KCNJ5: variants seen among roughly 807,000 people sequenced by gnomAD.
KCNJ5 encodes the protein G protein-activated inward rectifier potassium channel 4.
A neutral mutation model predicts 20.2 loss-of-function variants in KCNJ5; 12 were observed. That is an observed-to-expected ratio of 0.59 (90% CI 0.38 to 0.96). The LOEUF is 0.96. KCNJ5 is among the 40% of genes least tolerant of loss of function. The pLI, the probability that KCNJ5 is intolerant of heterozygous loss-of-function variation, is 0.00. For missense variants in KCNJ5, 449 were observed against 557.6 expected, an observed-to-expected ratio of 0.81 and a Z score of 1.96; for synonymous variants, 210 against 213.9, an observed-to-expected ratio of 0.98 and a Z score of 0.16.
chr11:128,911,786 G>C lies in KCNJ5; in HGVS notation c.513G>C (p.Gln171His). 1 of 1,614,210 alleles carries C rather than the reference G, an allele frequency of 6.2e-7. No individual in the cohort carries two copies. The highest frequency in any genetic ancestry group is 1.7e-5 in the Admixed American group (1 of 60,028). The change falls in exon 2 of 3, where the codon CAG becomes CAC. Residue 171 changes from glutamine to histidine, a missense_variant. Around this residue, in one of 5 missense-constraint regions of KCNJ5, gnomAD observed 203 missense variants for 258.0 expected, o/e 0.79. Coordinates refer to ENST00000529694, the MANE Select transcript of KCNJ5 (RefSeq NM_000890.5). The surrounding 1 kb of genome is among the most constrained non-coding windows in gnomAD (Gnocchi z 6.3). ...CPEGIILLLV[Q>H]AILGSIVNAF... The stretch of plus-strand genomic sequence containing the variant: ...AGGGGATTATACTCCTCTTGGTCCA[G>C]GCCATCCTGGGCTCCATCGTCAATG...
chr11:128,902,296 T>A lies in KCNJ5; in HGVS notation c.-10-8968T>A, dbSNP rs977306144. On this transcript the variant is annotated intron_variant, in intron 1 of 2. Transcript: ENST00000529694. Reference sequence around the variant, plus strand: ...CAGGAGGCCACCTGATCCGCCCTCCTGTCCCTCCAGCCCTCCTCTGGAAGG... The same window carrying A: ...CAGGAGGCCACCTGATCCGCCCTCCAGTCCCTCCAGCCCTCCTCTGGAAGG... The A allele has an allele frequency of 4.4e-5, 24 of 547,998 alleles. No homozygotes were observed. In the African/African-American group the frequency reaches 4.6e-4, roughly 10 times the overall value. 33.9% of individuals were successfully genotyped at this position (547,998 alleles called of 1,614,324 possible). A position where few individuals can be genotyped will look rare whatever the true frequency, so the allele number is the denominator to read the frequency against.
intron 1 of KCNJ5, among the ~76,000 whole-genome samples, chr11:128,898,510 G>A (rs534316955): frequency 3.3e-5 from 5 of 152,360 alleles, no homozygotes; most frequent in East Asian, 1.9e-4. Context: ...CATGGCAAGC[G>A]CCAAGATGCA....
At chr11:128,903,587 C>T (rs1198059871) in intron 1 of KCNJ5, 4 of 1,522,450 alleles carry the variant, frequency 2.6e-6, no homozygotes, top group Non-Finnish European at 3.6e-6. Flanking sequence ...CTTGTTTCTA[C>T]TGCGGGGGCC....
chr11:128,902,487 G>C, intron 1 of KCNJ5: 2 of 1,544,534 alleles, frequency 1.3e-6, no homozygotes, highest in Non-Finnish European at 1.8e-6. Context: ...TAAGGAACAG[G>C]GATGTCATAG....
At chr11:128,909,143 C>T (rs1032314388) in intron 1 of KCNJ5, among the ~76,000 whole-genome samples, 1 of 152,206 alleles carries the variant, frequency 6.6e-6, no homozygotes, top group Non-Finnish European at 1.5e-5. Flanking sequence ...TTGCTATAAT[C>T]ACCCAGGCAG....
intron 2 of KCNJ5, among the ~76,000 whole-genome samples, chr11:128,915,863 A>G (rs1366631434): frequency 4.6e-5 from 3 of 64,580 alleles, no homozygotes; most frequent in Non-Finnish European, 8.8e-5. Flanking sequence ...GATTAGGTAG[A>G]TGAGTGGATG....
At chr11:128,891,895 G>T (rs2135979826) in intron 1 of KCNJ5, among the ~76,000 whole-genome samples, 174 bp downstream of exon 1, 1 of 152,344 alleles carries the variant, frequency 6.6e-6, no homozygotes, top group Non-Finnish European at 1.5e-5. Flanking sequence ...TTAGGAAATT[G>T]GAGATCTCCG....
chr11:128,914,667 AG>A (rs1310782899), intron 2 of KCNJ5, among the ~76,000 whole-genome samples: 1 of 152,192 alleles, frequency 6.6e-6, no homozygotes, highest in Non-Finnish European at 1.5e-5. Context: ...TCAATCTCTT[AG>A]GGCTGTTGGG....
intron 1 of KCNJ5, among the ~76,000 whole-genome samples, chr11:128,898,713 T>G (rs1231702081): frequency 6.6e-6 from 1 of 152,224 alleles, no homozygotes; most frequent in Non-Finnish European, 1.5e-5. Context: ...AGACAGAGTC[T>G]CACTCTGTCA....
chr11:128,916,655 A>C lies in KCNJ5; in HGVS notation c.1184A>C (p.Asp395Ala), dbSNP rs766058202. The C allele has an allele frequency of 3.7e-6, 6 of 1,612,998 alleles. No homozygotes were observed. In the Admixed American group the frequency reaches 8.4e-5, roughly 22 times the overall value. ...LLGGCAEAGL[D>A]AEAEQNEEDE... ...GGGGGCTGTGCTGAGGCAGGGCTGGATGCAGAGGCTGAGCAGAATGAAGAA... is the reference window on the plus strand; with the variant it reads ...GGGGGCTGTGCTGAGGCAGGGCTGGCTGCAGAGGCTGAGCAGAATGAAGAA... Residue 395 changes from aspartate to alanine, a missense_variant, in exon 3 of 3, where the codon GAT becomes GCT. Coordinates refer to ENST00000529694, the MANE Select transcript of KCNJ5 (RefSeq NM_000890.5).
intron 2 of KCNJ5, among the ~76,000 whole-genome samples, chr11:128,913,136 G>T (rs985588758): frequency 1.3e-5 from 2 of 152,156 alleles, no homozygotes; most frequent in African/African-American, 4.8e-5. Context: ...AACTCAAAAG[G>T]TTCTCACCAA....
chr11:128,916,083 T>A, intron 2 of KCNJ5, among the ~76,000 whole-genome samples: 1 of 137,008 alleles, frequency 7.3e-6, no homozygotes, highest in Admixed American at 8.1e-5. Flanking sequence ...TTTTTTTCCA[T>A]ATCTGGATGG....
intron 1 of KCNJ5, among the ~76,000 whole-genome samples, chr11:128,896,662 ACCACAGTGGGAATCGT>A (rs1195613253): frequency 6.6e-6 from 1 of 151,666 alleles, no homozygotes; most frequent in Admixed American, 6.6e-5. Flanking sequence ...GCGGGAATGT[ACCACAGTGGGAATCGT>A]CCATAGTGGG....
chr11:128,909,417 C>T (rs1417409427), intron 1 of KCNJ5, among the ~76,000 whole-genome samples: 1 of 152,224 alleles, frequency 6.6e-6, no homozygotes, highest in Non-Finnish European at 1.5e-5. Flanking sequence ...CACCAAGTTC[C>T]AAAGCACTTA....
chr11:128,902,596 G>T lies in KCNJ5; in HGVS notation c.-10-8668G>T, dbSNP rs1187619087. ...CGGAACCAGGCTGATGGGCACTGAG[G>T]GGGTAGCCCAGGCGGCCCTCTCTAC... On this transcript the variant is annotated intron_variant, in intron 1 of 2. Coordinates refer to ENST00000529694, the MANE Select transcript of KCNJ5 (RefSeq NM_000890.5). 9.3e-6 allele frequency: 15 copies of T among 1,612,926 alleles called. No homozygotes were observed. The South Asian group carries it at 1.3e-4, about 14-fold the overall frequency.
At chr11:128,892,856 T>C (rs1031070829) in intron 1 of KCNJ5, among the ~76,000 whole-genome samples, 5 of 152,224 alleles carry the variant, frequency 3.3e-5, no homozygotes, top group Admixed American at 3.3e-4. Context: ...TTGACACCAG[T>C]CCTGTGGGGC....
At position 128,916,967 on chromosome 11, in the gene KCNJ5, TA is replaced by T; in HGVS notation, c.*238del. 1 of 511,920 alleles carries T rather than the reference TA, an allele frequency of 2.0e-6. No homozygotes were observed. The highest frequency in any genetic ancestry group is 3.5e-6 in the Non-Finnish European group (1 of 288,646). 31.7% of individuals were successfully genotyped at this position (511,920 alleles called of 1,614,324 possible). ...AGTGCTGCCTCTTGTAGGTGCTGGC[TA>T]AGGGCCAGGCCAGGATGAGTTTCCC... On this transcript the variant is annotated 3_prime_UTR_variant, in exon 3 of 3. Coordinates refer to ENST00000529694, the MANE Select transcript of KCNJ5 (RefSeq NM_000890.5).
intron 1 of KCNJ5, chr11:128,903,491 T>C (rs1465607612): frequency 1.2e-6 from 2 of 1,614,138 alleles, no homozygotes; most frequent in East Asian, 2.2e-5. Context: ...TTACCCTCAC[T>C]CCTGACAGAG....
intron 2 of KCNJ5, among the ~76,000 whole-genome samples, chr11:128,914,026 T>C (rs562105893): frequency 6.6e-6 from 1 of 151,812 alleles, no homozygotes; most frequent in Admixed American, 6.6e-5. Flanking sequence ...GGGGCTGGAG[T>C]CTGGCAGGCA....
Sources: gnomAD v4.1 joint callset for allele counts (sites outside exome capture counted in the v4.1 genomes callset) on GRCh38, gnomAD v4.1.1 for gene constraint, gnomAD v4.1.1 regional missense constraint, Gnocchi (gnomAD v3.1) non-coding constraint, MANE v1.5 for transcripts, NCBI Gene and HGNC (gene_info 2026-07-23, HGNC 2026-07-21) for gene names.